MMD2: variants seen among roughly 807,000 people sequenced by gnomAD.
The protein encoded by MMD2 is monocyte to macrophage differentiation factor 2.
In MMD2, 30 loss-of-function variants were observed where a neutral mutation model predicts 33.5. That is an observed-to-expected ratio of 0.90 (90% CI 0.67 to 1.22). The LOEUF (loss-of-function observed/expected upper bound fraction) is 1.22, where lower values mean the gene tolerates loss of function less well. Among genes scored for constraint, MMD2 ranks in the 50% most tolerant of loss-of-function variants. The pLI is 0.00. For synonymous variants in MMD2, 129 were observed against 123.0 expected, an observed-to-expected ratio of 1.05 and a Z score of -0.32; for missense variants, 364 against 325.4, an observed-to-expected ratio of 1.12 and a Z score of -0.91.
intron 1 of MMD2, among the ~76,000 whole-genome samples, chr7:4,926,883 T>C (rs1289969958): frequency 6.6e-6 from 1 of 152,070 alleles, no homozygotes; most frequent in East Asian, 1.9e-4. Flanking sequence ...TAGCTGGGAC[T>C]ACAGGCGCCC....
chr7:4,957,256 G>T (rs1786410542), intron 1 of MMD2, among the ~76,000 whole-genome samples: 1 of 151,776 alleles, frequency 6.6e-6, no homozygotes, highest in South Asian at 2.1e-4. Context: ...GAGGCAGGAG[G>T]ATCGCTCAAG....
At position 4,907,020 on chromosome 7, in the gene MMD2, G is replaced by A. The variant is rs1784880916; in HGVS notation, c.*376C>T. 1 of 250,486 alleles carries A rather than the reference G, an allele frequency of 4.0e-6. No individual in the cohort carries two copies. Among genetic ancestry groups the A allele is most frequent in the Non-Finnish European group, 7.7e-6 (1 of 130,010 alleles). The allele number at this position is 250,486 out of a possible 1,614,324, so 15.5% of individuals were successfully genotyped here. ...AGAGAGGGAGGCCCTGGCCACCCAG[G>A]TATAAACAACCCACAGGACTCTTTG... On this transcript the variant is annotated 3_prime_UTR_variant, in exon 7 of 7. Coordinates refer to ENST00000401401, the MANE Select transcript of MMD2 (RefSeq NM_198403.4).
intron 1 of MMD2, among the ~76,000 whole-genome samples, chr7:4,932,994 T>TA (rs1450693599): frequency 1.3e-5 from 2 of 150,384 alleles, no homozygotes; most frequent in Non-Finnish European, 3.0e-5. Context: ...TTTTTTTTTT[T>TA]ATGTTTAAAG....
chr7:4,910,165 G>C, intron 5 of MMD2: 2 of 1,023,534 alleles, frequency 2.0e-6, no homozygotes, highest in South Asian at 3.2e-5. Flanking sequence ...CCCTCCCTGA[G>C]ACTCACTTTC....
intron 1 of MMD2, among the ~76,000 whole-genome samples, chr7:4,928,079 C>G (rs1046659802): frequency 8.5e-5 from 13 of 152,302 alleles, no homozygotes; most frequent in African/African-American, 2.9e-4. Context: ...ACCACAGCAG[C>G]GTGCATGTCT....
At chr7:4,951,073 G>A (rs1257079782) in intron 1 of MMD2, among the ~76,000 whole-genome samples, 1 of 151,972 alleles carries the variant, frequency 6.6e-6, no homozygotes, top group Non-Finnish European at 1.5e-5. Context: ...TGTAGGTCTA[G>A]GGGCCTGATG....
rs904391237 is a variant in MMD2 at position 4,906,837 on chromosome 7, C to T, written c.*559G>A. On this transcript the variant is annotated 3_prime_UTR_variant, in exon 7 of 7. Transcript: ENST00000401401. ...GCCAAATTGATTGGTACTGGCTGCC[C>T]AGAACACTGTGCTGGGAAGAATTCT... The T allele has an allele frequency of 2.2e-5, 7 of 316,206 alleles. No homozygotes were observed. Among genetic ancestry groups the T allele is most frequent in the Middle Eastern group, 1.8e-3 (2 of 1,132 alleles). The allele number at this position is 316,206 out of a possible 1,614,324, so 19.6% of individuals were successfully genotyped here. A position where few individuals can be genotyped will look rare whatever the true frequency, so the allele number is the denominator to read the frequency against.
Position 4,946,190 on chromosome 7 carries a change from C to A in MMD2, c.47+12781G>T, listed in dbSNP as rs1421898618. Among the ~76,000 whole-genome samples, 1 of 151,710 alleles carries A rather than the reference C, an allele frequency of 6.6e-6. No individual in the cohort carries two copies. Among genetic ancestry groups the A allele is most frequent in the East Asian group, 1.9e-4 (1 of 5,172 alleles). On this transcript the variant is annotated intron_variant, in intron 1 of 6. Transcript: ENST00000401401. This position sits in a 1 kb window ranked among gnomAD's most constrained non-coding sequence, Gnocchi z 5.0. Reference sequence around the variant, plus strand: ...CTGCACACATGCACACACACGCGCGCACACCCACACACACGCATGCACACA... The same window carrying A: ...CTGCACACATGCACACACACGCGCGAACACCCACACACACGCATGCACACA...
chr7:4,906,442 G>A lies in MMD2; in HGVS notation c.*954C>T. 1 of 398,628 alleles carries A rather than the reference G, an allele frequency of 2.5e-6. No individual in the cohort carries two copies. The highest frequency in any genetic ancestry group is 4.4e-6 in the Non-Finnish European group (1 of 226,084). The allele number at this position is 398,628 out of a possible 1,614,324, so 24.7% of individuals were successfully genotyped here. A position where few individuals can be genotyped will look rare whatever the true frequency, so the allele number is the denominator to read the frequency against. ...GCACCAAGAGAGAATCCAAATGTTG[G>A]CATCACAAACCTTAAGTATGGAGCA... On this transcript the variant is annotated 3_prime_UTR_variant, in exon 7 of 7. Transcript: ENST00000401401.
At chr7:4,912,407 A>G (rs1785036885) in intron 4 of MMD2, among the ~76,000 whole-genome samples, 1 of 151,706 alleles carries the variant, frequency 6.6e-6, no homozygotes, top group East Asian at 2.0e-4. Flanking sequence ...AAATACAAAA[A>G]CAAAATGAGC....
intron 1 of MMD2, among the ~76,000 whole-genome samples, chr7:4,954,764 T>A (rs1786340001): frequency 6.6e-6 from 1 of 152,186 alleles, no homozygotes; most frequent in African/African-American, 2.4e-5. Context: ...CTTTTTTTTA[T>A]GATTTGTACT....
the MMD2 span, among the ~76,000 whole-genome samples, chr7:4,895,660 C>T: frequency 0.025 from 3,732 of 152,126 alleles, 139 homozygotes; most frequent in African/African-American, 0.086. Context: ...ACTCAGCCTC[C>T]GGAGTAGCTG....
intron 1 of MMD2, among the ~76,000 whole-genome samples, chr7:4,926,767 C>A (rs1030303930): frequency 6.6e-6 from 1 of 151,304 alleles, no homozygotes; most frequent in African/African-American, 2.4e-5. Flanking sequence ...TTTTTTGAGA[C>A]GGAGTCGTGC....
At chr7:4,892,905 G>A in the MMD2 span, among the ~76,000 whole-genome samples, 3 of 152,028 alleles carry the variant, frequency 2.0e-5, no homozygotes, top group East Asian at 3.9e-4. Flanking sequence ...TAGTACAGGT[G>A]AGGGTTCACC....
At chr7:4,928,880 G>C (rs1785501180) in intron 1 of MMD2, among the ~76,000 whole-genome samples, 1 of 151,960 alleles carries the variant, frequency 6.6e-6, no homozygotes, top group South Asian at 2.1e-4. Context: ...GCTAAGTGCA[G>C]CTCATGGTGC....
chr7:4,902,906 G>A (rs575480490), downstream of MMD2, among the ~76,000 whole-genome samples: 5 of 152,242 alleles, frequency 3.3e-5, no homozygotes, highest in South Asian at 1.0e-3. Flanking sequence ...CTCAGGCATC[G>A]GTAGAAGGAA....
At chr7:4,918,435 T>C (rs1785193477) in intron 3 of MMD2, among the ~76,000 whole-genome samples, 1 of 152,030 alleles carries the variant, frequency 6.6e-6, no homozygotes, top group African/African-American at 2.4e-5. Flanking sequence ...GTGGCTGCTA[T>C]GCAACCTTGA....
Position 4,906,775 on chromosome 7 carries a change from C to A in MMD2, c.*621G>T. 2.6e-6 allele frequency: 1 copy of A among 379,968 alleles called. No individual in the cohort carries two copies. Among genetic ancestry groups the A allele is most frequent in the East Asian group, 3.7e-5 (1 of 26,984 alleles). 23.5% of individuals were successfully genotyped at this position (379,968 alleles called of 1,614,324 possible). A position where few individuals can be genotyped will look rare whatever the true frequency, so the allele number is the denominator to read the frequency against. Reference sequence around the variant, plus strand: ...CTGGCCATTATCCCATTTCAGAGCACACCAGACAGGAAGGGCAAAGAGGTC... The same window carrying A: ...CTGGCCATTATCCCATTTCAGAGCAAACCAGACAGGAAGGGCAAAGAGGTC... On this transcript the variant is annotated 3_prime_UTR_variant, in exon 7 of 7. Coordinates refer to ENST00000401401, the MANE Select transcript of MMD2 (RefSeq NM_198403.4).
At chr7:4,908,246 A>T (rs768406782) in intron 6 of MMD2, among the ~76,000 whole-genome samples, 1 of 151,122 alleles carries the variant, frequency 6.6e-6, no homozygotes, top group Non-Finnish European at 1.5e-5. Context: ...GGTTCAACCA[A>T]TTCTCCTGCC....
Sources: allele counts gnomAD v4.1 joint callset (sites outside exome capture counted in the v4.1 genomes callset), GRCh38; gene constraint gnomAD v4.1.1; non-coding constraint Gnocchi (gnomAD v3.1); transcripts MANE v1.5; gene names NCBI Gene and HGNC (gene_info 2026-07-23, HGNC 2026-07-21).